The following SLC5A9 variants were observed in gnomAD, a reference collection of about 807,000 sequenced individuals.
SLC5A9 encodes the protein sodium/glucose cotransporter 4.
A neutral mutation model predicts 70.9 loss-of-function variants in SLC5A9; 59 were observed. That is an observed-to-expected ratio of 0.83 (90% CI 0.68 to 1.03). SLC5A9 has a LOEUF of 1.03. SLC5A9 is among the 50% of genes least tolerant of loss of function. The pLI, the probability that SLC5A9 is intolerant of heterozygous loss-of-function variation, is 0.00. For missense variants in SLC5A9, 832 were observed against 881.1 expected (o/e 0.94, Z 0.71); for synonymous variants, 340 against 346.5 (o/e 0.98, Z 0.21).
intron 12 of SLC5A9, chr1:48,240,299 TCTC>T (rs1644377210): frequency 6.6e-6 from 1 of 152,198 alleles, no homozygotes; most frequent in Admixed American, 6.5e-5. Flanking sequence ...TGTGACTGAA[TCTC>T]CTCTTCTTTT....
At chr1:48,235,944 C>A in intron 10 of SLC5A9, 65 bp downstream of exon 10, 2 of 1,597,400 alleles carry the variant, frequency 1.3e-6, no homozygotes, top group Non-Finnish European at 1.7e-6. Context: ...CCTGGGTTAC[C>A]CTGAACAGAG....
At chr1:48,233,526 A>C in intron 8 of SLC5A9, 129 bp from the exon 9 acceptor site, 1 of 699,774 alleles carries the variant, frequency 1.4e-6, no homozygotes, top group Non-Finnish European at 2.6e-6. Flanking sequence ...TTTGCCCCCC[A>C]ACCTTGTAGA....
At chr1:48,227,469 GTGCC>G (rs1557467390) in intron 2 of SLC5A9, among the ~76,000 whole-genome samples, 1 of 144,084 alleles carries the variant, frequency 6.9e-6, no homozygotes, top group Admixed American at 7.1e-5. Flanking sequence ...TGTGTGTACT[GTGCC>G]TGTGTGGGCG....
chr1:48,244,636 A>C (rs572567359), intron 13 of SLC5A9, among the ~76,000 whole-genome samples: 8 of 148,452 alleles, frequency 5.4e-5, no homozygotes, highest in African/African-American at 2.0e-4. Flanking sequence ...TTCAGAAGAC[A>C]CTACCGAAGA....
rs1357733461 is a variant in SLC5A9 at position 48,229,426 on chromosome 1, G to A, written c.471G>A (p.Leu157=). 2 of 1,614,124 alleles carry A rather than the reference G, an allele frequency of 1.2e-6. No homozygotes were observed. The highest frequency in any genetic ancestry group is 8.5e-7 in the Non-Finnish European group (1 of 1,180,034). Reference sequence around the variant, plus strand: ...GGATCCAGGTGTACATGTCTGTCCTGTCTCTCATCCTCTACATCTTCACCA... The same window carrying A: ...GGATCCAGGTGTACATGTCTGTCCTATCTCTCATCCTCTACATCTTCACCA... ...GQRIQVYMSV[L]SLILYIFTKI... is the part of the protein sequence containing the mutation. The change falls in exon 4 of 14, where the codon CTG becomes CTA. Residue 157 remains leucine, a synonymous_variant. Coordinates refer to ENST00000438567, the MANE Select transcript of SLC5A9 (RefSeq NM_001011547.3).
Position 48,247,383 on chromosome 1 carries a change from T to A in SLC5A9, c.1886T>A (p.Leu629His), listed in dbSNP as rs1424658311. 1 of 1,614,084 alleles carries A rather than the reference T, an allele frequency of 6.2e-7. No homozygotes were observed. Among genetic ancestry groups the A allele is most frequent in the South Asian group, 1.1e-5 (1 of 91,074 alleles). Residue 629 changes from leucine to histidine, a missense_variant, in exon 14 of 14, where the codon CTC becomes CAC. Coordinates refer to ENST00000438567, the MANE Select transcript of SLC5A9 (RefSeq NM_001011547.3). ...GKLLWSWFCGLSGTPEQALSP... is the reference protein window; with the variant it reads ...GKLLWSWFCGHSGTPEQALSP... ...TTGCTCTGGAGCTGGTTCTGTGGGC[T>A]CTCTGGAACACCGGAGCAGGCCCTG...
chr1:48,243,681 C>T (rs1366048863), intron 13 of SLC5A9, among the ~76,000 whole-genome samples: 1 of 151,768 alleles, frequency 6.6e-6, no homozygotes, highest in African/African-American at 2.4e-5. Flanking sequence ...ATGCAATTTA[C>T]CTATATAACA....
At chr1:48,231,786 C>G in intron 6 of SLC5A9, 160 bp from the exon 7 acceptor site, 1 of 1,505,318 alleles carries the variant, frequency 6.6e-7, no homozygotes, top group Non-Finnish European at 8.9e-7. Context: ...GTTCTCGCTA[C>G]TTCAAACCAA....
At chr1:48,233,588 G>A in intron 8 of SLC5A9, 67 bp from the exon 9 acceptor site, 3 of 1,272,060 alleles carry the variant, frequency 2.4e-6, no homozygotes, top group East Asian at 4.9e-5. Context: ...GTTTTGGAAA[G>A]CAAATACTAG....
At position 48,248,006 on chromosome 1, in the gene SLC5A9, A is replaced by G. The variant is rs552815525; in HGVS notation, c.*463A>G. On this transcript the variant is annotated 3_prime_UTR_variant, in exon 14 of 14. Coordinates refer to ENST00000438567, the MANE Select transcript of SLC5A9 (RefSeq NM_001011547.3). ...AGTTCCCCTACCTCTCTATCTTTCT[A>G]TTCTCACCAATAATCTCTTTGTTGC... is the stretch of plus-strand genomic sequence containing the variant. 2.1e-4 allele frequency: 35 copies of G among 168,640 alleles called. No individual in the cohort carries two copies. The highest frequency in any genetic ancestry group is 8.1e-4 in the African/African-American group (34 of 41,978). The allele number at this position is 168,640 out of a possible 1,614,324, so 10.4% of individuals were successfully genotyped here. A position where few individuals can be genotyped will look rare whatever the true frequency, so the allele number is the denominator to read the frequency against.
chr1:48,245,040 G>A (rs2148591291), intron 13 of SLC5A9, among the ~76,000 whole-genome samples: 1 of 146,422 alleles, frequency 6.8e-6, no homozygotes, highest in South Asian at 2.1e-4. Context: ...CTGTTGCTAT[G>A]TGACCTTAAA....
rs367990112 is a variant in SLC5A9, at chr1:48,233,771, C to T, written c.1141+9C>T. 2 of 1,585,500 alleles carry T rather than the reference C, an allele frequency of 1.3e-6. No homozygotes were observed. Among genetic ancestry groups the T allele is most frequent in the African/African-American group, 2.7e-5 (2 of 74,352 alleles). ...GGCCCTCATGCCTGTTGGTGAGTCT[C>T]TTCTCCCCACCCCACCCTGCACTCT... is the stretch of plus-strand genomic sequence containing the variant. On this transcript the variant is annotated intron_variant, in intron 9 of 13. Transcript: ENST00000438567.
chr1:48,241,463 A>G (rs979421177), intron 12 of SLC5A9, among the ~76,000 whole-genome samples: 2 of 152,196 alleles, frequency 1.3e-5, no homozygotes, highest in African/African-American at 4.8e-5. Flanking sequence ...GATAAGGGAT[A>G]CCCAGCTCAA....
At position 48,231,533 on chromosome 1, in the gene SLC5A9, T is replaced by C; in HGVS notation, c.611-12T>C. On this transcript the variant is annotated splice_polypyrimidine_tract_variant and intron_variant, in intron 5 of 13. Coordinates refer to ENST00000438567, the MANE Select transcript of SLC5A9 (RefSeq NM_001011547.3). ...TGGTGCTGACTGATGAGCCCTCTCCTTGGGTCCCCAGGTGGCCTCATGGCC... is the reference window on the plus strand; with the variant it reads ...TGGTGCTGACTGATGAGCCCTCTCCCTGGGTCCCCAGGTGGCCTCATGGCC... The C allele has an allele frequency of 4.3e-6, 7 of 1,613,578 alleles. No homozygotes were observed. The highest frequency in any genetic ancestry group is 5.1e-6 in the Non-Finnish European group (6 of 1,179,882).
chr1:48,242,596 T>A lies in SLC5A9; in HGVS notation c.1817T>A (p.Leu606Gln). 1 of 1,611,728 alleles carries A rather than the reference T, an allele frequency of 6.2e-7. No individual in the cohort carries two copies. Among genetic ancestry groups the A allele is most frequent in the Non-Finnish European group, 8.5e-7 (1 of 1,179,030 alleles). The change falls in exon 13 of 14, where the codon CTG (leucine) becomes CAG (glutamine). Residue 606 changes from leucine to glutamine, a missense_variant. By Grantham distance (113) the Leu-to-Gln change is moderately radical. Coordinates refer to ENST00000438567, the MANE Select transcript of SLC5A9 (RefSeq NM_001011547.3). ...GGTGGAGCGGCAGAGAACTCGAGCC[T>A]GGGCCAGGAGCAGCCTGAAGGTAGG... is the stretch of plus-strand genomic sequence containing the variant. Reference protein sequence around the residue: ...AGGGAAENSSLGQEQPEAPSR... With the variant: ...AGGGAAENSSQGQEQPEAPSR...
In SLC5A9 at chr1:48,226,928, TGA is replaced by T. The variant is rs540917256; in HGVS notation, c.235-1916_235-1915del. Among the ~76,000 whole-genome samples the T allele has an allele frequency of 1.1e-4, 17 of 152,296 alleles. No homozygotes were observed. In the South Asian group the frequency reaches 2.9e-3, roughly 26 times the overall value. ...GCCCTACCAGCACCCTGGGACCGCC[TGA>T]GAGAGGAAGAGTGAGTGTGTGTGTG... On this transcript the variant is annotated intron_variant, in intron 2 of 13. Transcript: ENST00000438567.
At chr1:48,242,983 A>C (rs538933436) in intron 13 of SLC5A9, among the ~76,000 whole-genome samples, 24 of 120,832 alleles carry the variant, frequency 2.0e-4, no homozygotes, top group Admixed American at 1.9e-3. Context: ...CCTGTAAAGA[A>C]GGGCATGGCT....
At chr1:48,230,548 C>A in intron 4 of SLC5A9, 52 bp from the exon 5 acceptor site, 1 of 1,299,058 alleles carries the variant, frequency 7.7e-7, no homozygotes, top group Non-Finnish European at 1.1e-6. Flanking sequence ...GTCCATACAA[C>A]CCTACTGAGG....
intron 7 of SLC5A9, 33 bp from the exon 8 acceptor site, chr1:48,232,334 C>T: frequency 6.2e-7 from 1 of 1,611,462 alleles, no homozygotes; most frequent in Non-Finnish European, 8.5e-7. Context: ...TCTCCTCTAC[C>T]TGCGCTGCAC....
Sources: allele counts gnomAD v4.1 joint callset (sites outside exome capture counted in the v4.1 genomes callset), GRCh38; gene constraint gnomAD v4.1.1; transcripts MANE v1.5; gene names NCBI Gene and HGNC (gene_info 2026-07-23, HGNC 2026-07-21).